The following CAB39L variants were observed in gnomAD, a reference collection of about 807,000 sequenced individuals.
CAB39L encodes the protein calcium binding protein 39 like.
Under a neutral mutation model 39.1 loss-of-function variants are expected in CAB39L, and 23 were observed. That is an observed-to-expected ratio of 0.59 (90% CI 0.42 to 0.83). The LOEUF is 0.83. Ranked by LOEUF, CAB39L falls within the 40% of genes least tolerant of loss-of-function variation. CAB39L has a pLI of 0.00. For missense variants in CAB39L, 366 were observed against 391.9 expected (o/e 0.93, Z 0.56); for synonymous variants, 126 against 137.2 (o/e 0.92, Z 0.57).
At position 49,309,713 on chromosome 13, in the gene CAB39L, G is replaced by C. The variant is rs550297219; in HGVS notation, c.*1101C>G. ...ACTATTCAGGACCAAAACTGTATAG[G>C]CTTTCTATGTGTTCACTAAAGACTG... On this transcript the variant is annotated 3_prime_UTR_variant, in exon 11 of 11. Transcript: ENST00000409308. 2.0e-5 allele frequency: 3 copies of C among 152,160 alleles called. No individual in the cohort carries two copies. The South Asian group carries it at 6.2e-4, about 32-fold the overall frequency. 9.4% of individuals were successfully genotyped at this position (152,160 alleles called of 1,614,324 possible).
intron 6 of CAB39L, among the ~76,000 whole-genome samples, chr13:49,353,230 C>T (rs1217375603): frequency 6.6e-6 from 1 of 152,086 alleles, no homozygotes; most frequent in Non-Finnish European, 1.5e-5. Context: ...TGAAACTCAG[C>T]CTATTGGCTC....
rs34993624 is a variant in CAB39L at position 49,439,921 on chromosome 13, GT to G, written c.-246+4064del. On this transcript the variant is annotated intron_variant, in intron 1 of 10. Coordinates refer to ENST00000409308, the MANE Select transcript of CAB39L (RefSeq NM_001079670.3). ...ATGTCTTTTGACCACTTTTTAATGG[GT>G]TTTTTTTTTTTTTTTTTTTGCTTGT... is the stretch of plus-strand genomic sequence containing the variant. 1.2e-3 allele frequency among the ~76,000 whole-genome samples: 93 copies of G among 78,576 alleles called. 1 individual carries two copies. The South Asian group carries it at 0.021, about 18-fold the overall frequency. The allele number at this position is 78,576 out of a possible 152,430, so 51.5% of individuals were successfully genotyped here.
At chr13:49,442,755 C>T (rs1375265425) in intron 1 of CAB39L, among the ~76,000 whole-genome samples, 1 of 131,836 alleles carries the variant, frequency 7.6e-6, no homozygotes, top group Non-Finnish European at 1.5e-5. Flanking sequence ...TGCACCATTG[C>T]ACTCCAGCAT....
intron 5 of CAB39L, among the ~76,000 whole-genome samples, chr13:49,370,028 C>T (rs1955874783): frequency 6.6e-6 from 1 of 152,058 alleles, no homozygotes; most frequent in Admixed American, 6.6e-5. Flanking sequence ...AGGGACTTCT[C>T]TATTCTTGCT....
At chr13:49,331,807 C>T in intron 10 of CAB39L, 140 bp downstream of exon 10, 1 of 750,484 alleles carries the variant, frequency 1.3e-6, no homozygotes, top group Non-Finnish European at 2.2e-6. Flanking sequence ...TCTGAAATTT[C>T]ATCTAAATCA....
At chr13:49,390,787 CATGGAA>C (rs1191966209) in intron 3 of CAB39L, among the ~76,000 whole-genome samples, 7 of 151,920 alleles carry the variant, frequency 4.6e-5, no homozygotes, top group Non-Finnish European at 1.0e-4. Context: ...AAGACCAAGC[CATGGAA>C]ATCTGGAATG....
At chr13:49,443,944 G>A (rs1316012699) in intron 1 of CAB39L, 42 bp downstream of exon 1, 2 of 456,724 alleles carry the variant, frequency 4.4e-6, no homozygotes, top group Non-Finnish European at 8.8e-6. Context: ...CCCCCAAGAA[G>A]CCCAGTCCCA....
At chr13:49,353,527 T>C (rs1593971787) in intron 6 of CAB39L, among the ~76,000 whole-genome samples, 1 of 152,194 alleles carries the variant, frequency 6.6e-6, no homozygotes, top group African/African-American at 2.4e-5. Context: ...ATTCCCTCAA[T>C]TGGAATGCCC....
intron 10 of CAB39L, among the ~76,000 whole-genome samples, chr13:49,316,299 G>C (rs1353525992): frequency 6.6e-6 from 1 of 152,138 alleles, no homozygotes; most frequent in Non-Finnish European, 1.5e-5. Context: ...AGAAGAAACA[G>C]AGAATCTGCA....
intron 3 of CAB39L, among the ~76,000 whole-genome samples, chr13:49,416,260 T>C (rs2138699089): frequency 6.6e-6 from 1 of 152,296 alleles, no homozygotes; most frequent in Middle Eastern, 3.4e-3. Flanking sequence ...TGATTCCAAA[T>C]AGAAGAACTA....
intron 10 of CAB39L, among the ~76,000 whole-genome samples, chr13:49,317,714 T>G (rs1160808472): frequency 6.6e-6 from 1 of 152,148 alleles, no homozygotes; most frequent in Non-Finnish European, 1.5e-5. Context: ...GATTTGGCAA[T>G]GGTTTCTTAG....
intron 3 of CAB39L, among the ~76,000 whole-genome samples, chr13:49,425,402 T>G (rs1957229663): frequency 6.6e-6 from 1 of 152,082 alleles, no homozygotes; most frequent in African/African-American, 2.4e-5. Flanking sequence ...TATACAAAAA[T>G]ATAGGCATAT....
At chr13:49,376,258 A>C in intron 5 of CAB39L, among the ~76,000 whole-genome samples, 1 of 152,232 alleles carries the variant, frequency 6.6e-6, no homozygotes, top group Non-Finnish European at 1.5e-5. Context: ...GAAACAAAGC[A>C]ACAAAGCCAA....
At chr13:49,337,732 GCACA>G (rs57089737) in intron 9 of CAB39L, among the ~76,000 whole-genome samples, 61,716 of 143,960 alleles carry the variant, frequency 0.43, 13,200 homozygotes, top group Admixed American at 0.52. Flanking sequence ...CTGCTCTGGC[GCACA>G]CACACACACA....
rs775224456 is a variant in CAB39L, at chr13:49,359,745, G to A, written c.364C>T (p.His122Tyr). The A allele has an allele frequency of 2.5e-6, 4 of 1,608,102 alleles. No homozygotes were observed. The highest frequency in any genetic ancestry group is 2.6e-6 in the Non-Finnish European group (3 of 1,174,878). ...RSPTVEYISA[H>Y]PHILFMLLKG... The stretch of plus-strand genomic sequence containing the variant: ...AGGAGCATAAACAGGATATGAGGAT[G>A]AGCACTAATATACTCCACAGTAGGA... The change falls in exon 6 of 11, where the codon CAT becomes TAT. Residue 122 changes from histidine (H) to tyrosine (Y), a missense_variant. Physicochemically the swap from His to Tyr is moderately conservative, Grantham distance 83. Transcript: ENST00000409308.
intron 2 of CAB39L, among the ~76,000 whole-genome samples, chr13:49,433,714 C>T (rs1957363253): frequency 6.6e-6 from 1 of 152,154 alleles, no homozygotes; most frequent in South Asian, 2.1e-4. Flanking sequence ...GGAAGAAACA[C>T]AATTTATTTA....
chr13:49,347,488 A>T (rs1370484608), intron 7 of CAB39L, among the ~76,000 whole-genome samples: 1 of 152,174 alleles, frequency 6.6e-6, no homozygotes, highest in African/African-American at 2.4e-5. Context: ...TTTTTTAAAA[A>T]ATGAATTTAC....
At chr13:49,346,100 G>GATATATATATATATATATATGCTAGAT (rs1955156158) in intron 7 of CAB39L, among the ~76,000 whole-genome samples, 3 of 30,916 alleles carry the variant, frequency 9.7e-5, no homozygotes, top group South Asian at 9.7e-4. Context: ...ATATATGCTA[G>GATATATATATATATATATATGCTAGAT]ATATATATAT....
At chr13:49,408,453 G>T (rs994521730) in intron 3 of CAB39L, among the ~76,000 whole-genome samples, 1 of 152,140 alleles carries the variant, frequency 6.6e-6, no homozygotes, top group Non-Finnish European at 1.5e-5. Context: ...ATATCTGGGG[G>T]TCATCCATCC....
Sources: gnomAD v4.1 joint callset for allele counts (sites outside exome capture counted in the v4.1 genomes callset) on GRCh38, gnomAD v4.1.1 for gene constraint, MANE v1.5 for transcripts, NCBI Gene and HGNC (gene_info 2026-07-23, HGNC 2026-07-21) for gene names.